The following TRRAP variants were observed in gnomAD, a reference collection of about 807,000 sequenced individuals.
TRRAP encodes transformation/transcription domain associated protein.
In TRRAP, 41 loss-of-function variants were observed where a neutral mutation model predicts 438.8. The ratio of observed to expected loss-of-function variants is 0.09; its 90% confidence interval spans 0.07 to 0.12. The LOEUF (loss-of-function observed/expected upper bound fraction) is 0.12. Among genes scored for constraint, TRRAP ranks in the 10% least tolerant of loss-of-function variants. The pLI, the probability that TRRAP is intolerant of heterozygous loss-of-function variation, is 1.00. For synonymous variants in TRRAP, 1,994 were observed against 1,962.9 expected (o/e 1.02, Z -0.42); for missense variants, 3,122 against 5,055.1 (o/e 0.62, Z 11.60).
Position 99,003,965 on chromosome 7 carries a change from C to T in TRRAP, c.10310-225C>T, listed in dbSNP as rs541620060. ...GCGGGTGCCTGTAATCCCAGCTACT[C>T]GGGAGGCTGAGGCAGGAGAATCACT... On this transcript the variant is annotated intron_variant, in intron 67 of 72. Coordinates refer to ENST00000456197, the MANE Select transcript of TRRAP (RefSeq NM_001375524.1). Among the ~76,000 whole-genome samples the T allele has an allele frequency of 3.9e-5, 6 of 152,098 alleles. 1 individual carries two copies. The South Asian group carries it at 1.0e-3, about 26-fold the overall frequency.
chr7:98,928,217 CAA>C (rs1228010355), intron 23 of TRRAP, among the ~76,000 whole-genome samples: 4 of 151,822 alleles, frequency 2.6e-5, no homozygotes, highest in Non-Finnish European at 4.4e-5. Flanking sequence ...GCCTGGGCAA[CAA>C]GAGCGAAACT....
In TRRAP at chr7:99,011,385, C is replaced by T. The variant is rs984198588; in HGVS notation, c.11187C>T (p.Asn3729=). The T allele has an allele frequency of 5.0e-6, 8 of 1,614,112 alleles. No homozygotes were observed. Among genetic ancestry groups the T allele is most frequent in the Middle Eastern group, 1.6e-4 (1 of 6,080 alleles). ...LNVAYFRFDI[N]DATGDLDANR... The stretch of plus-strand genomic sequence containing the variant: ...TTGCCTACTTTCGATTTGACATAAA[C>T]GACGCGACTGGAGACCTGGATGCCA... Residue 3729 remains asparagine (N), a synonymous_variant, in exon 72 of 73, where the codon AAC becomes AAT. Coordinates refer to ENST00000456197, the MANE Select transcript of TRRAP (RefSeq NM_001375524.1). The surrounding 1 kb of genome is among the most constrained non-coding windows in gnomAD (Gnocchi z 7.1).
intron 53 of TRRAP, among the ~76,000 whole-genome samples, chr7:98,975,481 G>A (rs569318686): frequency 6.6e-6 from 1 of 152,342 alleles, no homozygotes; most frequent in Admixed American, 6.5e-5. Context: ...AATGTTGGCA[G>A]CTAATTCAGA....
At chr7:98,885,667 A>AATATATAT (rs112055398) in intron 3 of TRRAP, among the ~76,000 whole-genome samples, 4 of 148,990 alleles carry the variant, frequency 2.7e-5, no homozygotes, top group African/African-American at 9.8e-5. Context: ...AGCTGTTTAA[A>AATATATAT]ATATATATAT....
In TRRAP at chr7:98,937,753, A is replaced by G. The variant is rs1584334262; in HGVS notation, c.4337A>G (p.Asn1446Ser). The G allele has an allele frequency of 6.2e-7, 1 of 1,614,074 alleles. No individual in the cohort carries two copies. The highest frequency in any genetic ancestry group is 8.5e-7 in the Non-Finnish European group (1 of 1,179,954). Residue 1446 changes from asparagine (N) to serine (S), a missense_variant, in exon 30 of 73, where the codon AAT (asparagine) becomes AGT (serine). Physicochemically the swap from Asn to Ser is conservative, Grantham distance 46 (BLOSUM62 1). This residue lies in a region of TRRAP where 108 missense variants were observed against 256.9 expected (regional missense o/e 0.42). Transcript: ENST00000456197. ...DYRSLTLNVV[N>S]RLTSVTRLFP... is the part of the protein sequence containing the mutation. ...CGGAGCTTGACGCTGAATGTTGTGA[A>G]TCGCCTGACTTCGGTCACGAGGCTC...
At chr7:98,923,412 C>G (rs1789893097) in intron 21 of TRRAP, among the ~76,000 whole-genome samples, 2 of 152,206 alleles carry the variant, frequency 1.3e-5, no homozygotes, top group African/African-American at 4.8e-5. Context: ...CTGCAGCACA[C>G]CTGGTATAGC....
At chr7:98,885,521 G>A (rs1006733019) in intron 3 of TRRAP, among the ~76,000 whole-genome samples, 4 of 152,006 alleles carry the variant, frequency 2.6e-5, no homozygotes, top group Admixed American at 2.6e-4. Flanking sequence ...ACTATCTGTA[G>A]CAATGGATAG....
At chr7:98,995,595 C>T (rs978024909) in intron 67 of TRRAP, among the ~76,000 whole-genome samples, 2 of 151,908 alleles carry the variant, frequency 1.3e-5, no homozygotes, top group Non-Finnish European at 2.9e-5. Flanking sequence ...AGTCCAATTT[C>T]CTTCAGCCCA....
In TRRAP at chr7:98,908,063, G is replaced by T. The variant is rs1002477351; in HGVS notation, c.1116-665G>T. ...CCTTATGGCCCCTTTTTGTCCTTAAGATCTCAACTTCAGTGCCACCTCAAA... is the reference window on the plus strand; with the variant it reads ...CCTTATGGCCCCTTTTTGTCCTTAATATCTCAACTTCAGTGCCACCTCAAA... On this transcript the variant is annotated intron_variant, in intron 13 of 72. Coordinates refer to ENST00000456197, the MANE Select transcript of TRRAP (RefSeq NM_001375524.1). This position sits in a 1 kb window ranked among gnomAD's most constrained non-coding sequence, Gnocchi z 4.1. Among the ~76,000 whole-genome samples the T allele has an allele frequency of 1.3e-5, 2 of 152,120 alleles. No homozygotes were observed. The highest frequency in any genetic ancestry group is 6.5e-5 in the Admixed American group (1 of 15,270).
chr7:98,950,070 T>C lies in TRRAP; in HGVS notation c.5142T>C (p.Asn1714=), dbSNP rs782756474. 6.2e-7 allele frequency: 1 copy of C among 1,614,112 alleles called. No homozygotes were observed. The highest frequency in any genetic ancestry group is 8.5e-7 in the Non-Finnish European group (1 of 1,180,046). Reference sequence around the variant, plus strand: ...TCTTCTTTTGACCCTCCAGAAGGAATTACGGAGATATAGAATTGCTGTTCC... The same window carrying C: ...TCTTCTTTTGACCCTCCAGAAGGAACTACGGAGATATAGAATTGCTGTTCC... ...AYCLLNYCKR[N]YGDIELLFQL... is the part of the protein sequence containing the mutation. Residue 1714 remains asparagine (N), a synonymous_variant, in exon 38 of 73, where the codon AAT becomes AAC. Transcript: ENST00000456197.
In TRRAP at chr7:98,994,002, A is replaced by G. The variant is rs148815797; in HGVS notation, c.10047+265A>G. 8.9e-3 allele frequency among the ~76,000 whole-genome samples: 1,349 copies of G among 152,340 alleles called. 15 individuals are homozygous for G. Among genetic ancestry groups the G allele is most frequent in the African/African-American group, 0.029 (1,206 of 41,584 alleles). ...TGGCCGTGCTCATGTCCCTGAGCTC[A>G]GTGACCTGAGTGCCACTGTTAACCA... On this transcript the variant is annotated intron_variant, in intron 66 of 72. Transcript: ENST00000456197. The surrounding 1 kb of genome is among the most constrained non-coding windows in gnomAD (Gnocchi z 4.8).
In TRRAP at chr7:98,967,491, G is replaced by C. The variant is rs1792208680; in HGVS notation, c.7305G>C (p.Glu2435Asp). The stretch of plus-strand genomic sequence containing the variant: ...CTCTGACTTGGTGTTACAGGGATGA[G>C]ACCCTCTCTGGCAGCGAGCTGACGG... ...LDLVNYVYRDETLSGSELTAK... is the reference protein window; with the variant it reads ...LDLVNYVYRDDTLSGSELTAK... The change falls in exon 51 of 73, where the codon GAG becomes GAC. Residue 2435 changes from glutamate to aspartate, a missense_variant. Around this residue, in one of 24 missense-constraint regions of TRRAP, gnomAD observed 992 missense variants for 1,281.2 expected, o/e 0.77. Coordinates refer to ENST00000456197, the MANE Select transcript of TRRAP (RefSeq NM_001375524.1). 1 of 1,613,650 alleles carries C rather than the reference G, an allele frequency of 6.2e-7. No individual in the cohort carries two copies. The highest frequency in any genetic ancestry group is 1.1e-5 in the South Asian group (1 of 91,060).
chr7:98,983,810 C>G lies in TRRAP; in HGVS notation c.9023-283C>G, dbSNP rs182778104. 9.2e-5 allele frequency among the ~76,000 whole-genome samples: 14 copies of G among 152,268 alleles called. No individual in the cohort carries two copies. The East Asian group carries it at 1.9e-3, about 21-fold the overall frequency. ...CTCTGCGTGGCCTTTTCTGGTTTTC[C>G]TGGTCCCCCTCTTATCCCCTAAACC... is the stretch of plus-strand genomic sequence containing the variant. On this transcript the variant is annotated intron_variant, in intron 60 of 72. Transcript: ENST00000456197.
intron 33 of TRRAP, among the ~76,000 whole-genome samples, chr7:98,947,448 G>T (rs953170386): frequency 4.0e-5 from 6 of 148,730 alleles, no homozygotes; most frequent in African/African-American, 7.4e-5. Context: ...TGTTTGTGTG[G>T]TTTTTTTTTT....
chr7:98,977,746 G>A (rs1224333813), intron 56 of TRRAP, among the ~76,000 whole-genome samples: 1 of 152,224 alleles, frequency 6.6e-6, no homozygotes, highest in African/African-American at 2.4e-5. Flanking sequence ...GTAGGGTGCT[G>A]TGCCGCGGAA....
In TRRAP at chr7:98,962,308, C is replaced by A; in HGVS notation, c.6710C>A (p.Ser2237Tyr). 6.2e-7 allele frequency: 1 copy of A among 1,614,186 alleles called. No homozygotes were observed. Among genetic ancestry groups the A allele is most frequent in the Non-Finnish European group, 8.5e-7 (1 of 1,180,032 alleles). ...GGTCCCTGCCCTGTTGTAGGTACTTCCAGTGTGGCCTCCAAATATGAAGAG... is the reference window on the plus strand; with the variant it reads ...GGTCCCTGCCCTGTTGTAGGTACTTACAGTGTGGCCTCCAAATATGAAGAG... ...MSIFPTEPST[S>Y]SVASKYEELE... The change falls in exon 47 of 73, where the codon TCC (serine) becomes TAC (tyrosine). Residue 2237 changes from serine to tyrosine, a missense_variant. Transcript: ENST00000456197.
chr7:99,002,557 T>C (rs747524485), intron 67 of TRRAP, among the ~76,000 whole-genome samples: 159 of 152,310 alleles, frequency 1.0e-3, no homozygotes, highest in Non-Finnish European at 2.6e-4. Context: ...GTGGCCTGCG[T>C]CCTTGGTGGT....
rs1458294814 is a variant in TRRAP at position 98,903,315 on chromosome 7, C to A, written c.898-64C>A. The A allele has an allele frequency of 2.5e-6, 4 of 1,584,102 alleles. No individual in the cohort carries two copies. The African/African-American group carries it at 5.4e-5, about 21-fold the overall frequency. On this transcript the variant is annotated intron_variant, in intron 11 of 72. Transcript: ENST00000456197. ...TACTGAATTTTTAAGAAGCTGATAACATTTGAATTTTTCTTAACACTCTCC... is the reference window on the plus strand; with the variant it reads ...TACTGAATTTTTAAGAAGCTGATAAAATTTGAATTTTTCTTAACACTCTCC...
chr7:98,998,310 G>C (rs1017683677), intron 67 of TRRAP, among the ~76,000 whole-genome samples: 10 of 151,908 alleles, frequency 6.6e-5, no homozygotes, highest in African/African-American at 2.2e-4. Context: ...ATATTCTGTA[G>C]CTTCATTTTC....
Sources: gnomAD v4.1 joint callset for allele counts (sites outside exome capture counted in the v4.1 genomes callset) on GRCh38, gnomAD v4.1.1 for gene constraint, gnomAD v4.1.1 regional missense constraint, Gnocchi (gnomAD v3.1) non-coding constraint, MANE v1.5 for transcripts, NCBI Gene and HGNC (gene_info 2026-07-23, HGNC 2026-07-21) for gene names.